CACNA1B: variants seen among roughly 807,000 people sequenced by gnomAD.
The protein encoded by CACNA1B is calcium voltage-gated channel subunit alpha1 B.
Under a neutral mutation model 247.2 loss-of-function variants are expected in CACNA1B, and 70 were observed. That is an observed-to-expected ratio of 0.28 (90% confidence interval 0.23 to 0.35). The LOEUF is 0.35. Ranked by LOEUF, CACNA1B falls within the 10% of genes least tolerant of loss-of-function variation. CACNA1B has a pLI of 1.00. For synonymous variants in CACNA1B, 1,231 were observed against 1,294.4 expected, an observed-to-expected ratio of 0.95 and a Z score of 1.05; for missense variants, 2,367 against 3,197.4, an observed-to-expected ratio of 0.74 and a Z score of 6.26.
At position 138,122,253 on chromosome 9, in the gene CACNA1B, C is replaced by T. The variant is rs1029550003; in HGVS notation, c.*254C>T. On this transcript the variant is annotated 3_prime_UTR_variant, in exon 47 of 47. Transcript: ENST00000371372. ...TCGTACCACACACCAGACCCTAAAC[C>T]GCAGGCTGCTGTGTGTGGCTGAGAA... The T allele has an allele frequency of 1.8e-5, 10 of 546,912 alleles. No homozygotes were observed. Among genetic ancestry groups the T allele is most frequent in the South Asian group, 1.2e-4 (5 of 41,224 alleles). 33.9% of individuals were successfully genotyped at this position (546,912 alleles called of 1,614,324 possible). A position where few individuals can be genotyped will look rare whatever the true frequency, so the allele number is the denominator to read the frequency against.
At chr9:137,959,089 G>T in intron 10 of CACNA1B, among the ~76,000 whole-genome samples, 2 of 150,626 alleles carry the variant, frequency 1.3e-5, no homozygotes, top group African/African-American at 2.4e-5. Context: ...ATTTTTTTTT[G>T]AGACAAAAAT....
At chr9:138,040,930 A>G (rs1959112776) in intron 20 of CACNA1B, among the ~76,000 whole-genome samples, 1 of 152,242 alleles carries the variant, frequency 6.6e-6, no homozygotes, top group African/African-American at 2.4e-5. Context: ...TAAGCCCTAC[A>G]GAAAATGAAT....
Position 137,986,535 on chromosome 9 carries a change from T to A in CACNA1B, c.1892T>A (p.Phe631Tyr). 6.2e-7 allele frequency: 1 copy of A among 1,613,770 alleles called. No homozygotes were observed. The highest frequency in any genetic ancestry group is 8.5e-7 in the Non-Finnish European group (1 of 1,179,798). The change falls in exon 14 of 47, where the codon TTT (phenylalanine) becomes TAT (tyrosine). Residue 631 changes from phenylalanine (F) to tyrosine (Y), a missense_variant. Phe to Tyr is a conservative substitution (Grantham distance 22). This residue lies in a region of CACNA1B where 76 missense variants were observed against 191.0 expected (regional missense o/e 0.40). Coordinates refer to ENST00000371372, the MANE Select transcript of CACNA1B (RefSeq NM_000718.4). This position sits in a 1 kb window ranked among gnomAD's most constrained non-coding sequence, Gnocchi z 6.0. ...TTCGCCCTGCTGGGGATGCAGCTGT[T>A]TGGGGGACAGTAAGTGGGCCCGGGA... is the stretch of plus-strand genomic sequence containing the variant. Reference protein sequence around the residue: ...VVFALLGMQLFGGQFNFQDET... With the variant: ...VVFALLGMQLYGGQFNFQDET...
At chr9:137,983,196 C>T (rs1958314457) in intron 12 of CACNA1B, among the ~76,000 whole-genome samples, 1 of 152,220 alleles carries the variant, frequency 6.6e-6, no homozygotes, top group Admixed American at 6.5e-5. Flanking sequence ...GTTTGAGAGG[C>T]TCAACATTTG....
At position 138,067,498 on chromosome 9, in the gene CACNA1B, C is replaced by T. The variant is rs1451914182; in HGVS notation, c.4669-2260C>T. 4.6e-5 allele frequency among the ~76,000 whole-genome samples: 7 copies of T among 152,248 alleles called. No individual in the cohort carries two copies. In the South Asian group the frequency reaches 1.5e-3, roughly 32 times the overall value. On this transcript the variant is annotated intron_variant, in intron 31 of 46. Transcript: ENST00000371372. ...GGCAGATCACCTGAGGTCAGAAGTTCGAGACGAGTGGATAACATTGTGAAG... is the reference window on the plus strand; with the variant it reads ...GGCAGATCACCTGAGGTCAGAAGTTTGAGACGAGTGGATAACATTGTGAAG...
At chr9:138,106,597 A>G (rs565396365) in intron 39 of CACNA1B, among the ~76,000 whole-genome samples, 1 of 152,226 alleles carries the variant, frequency 6.6e-6, no homozygotes, top group African/African-American at 2.4e-5. Flanking sequence ...GTGAAACCCC[A>G]TCTCTACTAA....
At chr9:138,074,990 C>A (rs1374584811) in intron 34 of CACNA1B, among the ~76,000 whole-genome samples, 1 of 152,168 alleles carries the variant, frequency 6.6e-6, no homozygotes, top group African/African-American at 2.4e-5. Context: ...TTAGAAAGAA[C>A]ACATTGTCAG....
intron 18 of CACNA1B, among the ~76,000 whole-genome samples, chr9:138,022,292 C>A (rs1190370612): frequency 6.6e-6 from 1 of 152,174 alleles, no homozygotes; most frequent in Non-Finnish European, 1.5e-5. Flanking sequence ...CAGCTTCAGA[C>A]CTGACTTCTG....
chr9:137,900,998 G>A (rs1264397729), intron 3 of CACNA1B, among the ~76,000 whole-genome samples: 7 of 143,140 alleles, frequency 4.9e-5, no homozygotes, highest in African/African-American at 1.1e-4. Context: ...CCCTGTGTCC[G>A]TGTCTGTGCT....
In CACNA1B at chr9:138,011,961, T is replaced by C. The variant is rs959853746; in HGVS notation, c.2161-1168T>C. ...GACAACGTGGAAGTCGTAGCTTCCATTCTGAGGCCTGTGGTCTCAGCCGAG... is the reference window on the plus strand; with the variant it reads ...GACAACGTGGAAGTCGTAGCTTCCACTCTGAGGCCTGTGGTCTCAGCCGAG... On this transcript the variant is annotated intron_variant, in intron 17 of 46. Coordinates refer to ENST00000371372, the MANE Select transcript of CACNA1B (RefSeq NM_000718.4). The surrounding 1 kb of genome is among the most constrained non-coding windows in gnomAD (Gnocchi z 4.2). Among the ~76,000 whole-genome samples the C allele has an allele frequency of 6.6e-6, 1 of 152,158 alleles. No homozygotes were observed. Among genetic ancestry groups the C allele is most frequent in the Non-Finnish European group, 1.5e-5 (1 of 68,022 alleles).
chr9:137,922,500 A>G (rs576108104), intron 6 of CACNA1B, among the ~76,000 whole-genome samples: 12 of 152,258 alleles, frequency 7.9e-5, no homozygotes, highest in Admixed American at 6.5e-4. Flanking sequence ...GTTGCGTTTG[A>G]TAAGAGGAAG....
intron 6 of CACNA1B, among the ~76,000 whole-genome samples, chr9:137,926,978 G>A (rs774038745): frequency 2.6e-5 from 4 of 152,070 alleles, no homozygotes; most frequent in African/African-American, 4.8e-5. Context: ...CCCATTCTAT[G>A]TGTGCCCTTT....
In CACNA1B at chr9:137,971,216, G is replaced by A. The variant is rs1022406480; in HGVS notation, c.1334-167G>A. On this transcript the variant is annotated intron_variant, in intron 10 of 46. Transcript: ENST00000371372. The surrounding 1 kb of genome is among the most constrained non-coding windows in gnomAD (Gnocchi z 4.4). ...AACCATGGAGATCATCAGGGCCTTG[G>A]TTCCCTCAGCTGTGAAGTGGAGGTC... Among the ~76,000 whole-genome samples, 1 of 152,146 alleles carries A rather than the reference G, an allele frequency of 6.6e-6. No homozygotes were observed. Among genetic ancestry groups the A allele is most frequent in the African/African-American group, 2.4e-5 (1 of 41,424 alleles).
chr9:137,972,920 C>T (rs1222447428), intron 11 of CACNA1B, among the ~76,000 whole-genome samples: 2 of 152,198 alleles, frequency 1.3e-5, no homozygotes, highest in Non-Finnish European at 2.9e-5. Flanking sequence ...CTGGGGCCCA[C>T]AGGGTGGTAC....
Position 137,952,530 on chromosome 9 carries a change from T to C in CACNA1B, c.1070+153T>C, listed in dbSNP as rs1330711581. Among the ~76,000 whole-genome samples, 3 of 152,084 alleles carry C rather than the reference T, an allele frequency of 2.0e-5. No individual in the cohort carries two copies. The highest frequency in any genetic ancestry group is 2.0e-4 in the Admixed American group (3 of 15,280). Reference sequence around the variant, plus strand: ...TGTTCTGGGTTCTGGTAGCCCTTCCTTTGTGCCACCATCCTGACCTGTCCT... The same window carrying C: ...TGTTCTGGGTTCTGGTAGCCCTTCCCTTGTGCCACCATCCTGACCTGTCCT... On this transcript the variant is annotated intron_variant, in intron 7 of 46. Coordinates refer to ENST00000371372, the MANE Select transcript of CACNA1B (RefSeq NM_000718.4). The surrounding 1 kb of genome is among the most constrained non-coding windows in gnomAD (Gnocchi z 4.8).
chr9:138,034,449 GT>G (rs566090688), intron 20 of CACNA1B, among the ~76,000 whole-genome samples: 2,981 of 135,132 alleles, frequency 0.022, 93 homozygotes, highest in African/African-American at 0.07. Flanking sequence ...TAGGGTCATA[GT>G]TTTTTTTTTT....
In CACNA1B at chr9:138,030,034, T is replaced by C. The variant is rs1006770598; in HGVS notation, c.3286+4862T>C. Among the ~76,000 whole-genome samples the C allele has an allele frequency of 3.3e-5, 5 of 152,206 alleles. 1 individual carries two copies. Among genetic ancestry groups the C allele is most frequent in the Non-Finnish European group, 5.9e-5 (4 of 68,038 alleles). The stretch of plus-strand genomic sequence containing the variant: ...TAAGGCATCTGCAAATGAACAGTTT[T>C]AGTTTTTTCCTTTCTGACATACATG... On this transcript the variant is annotated intron_variant, in intron 20 of 46. Transcript: ENST00000371372.
intron 6 of CACNA1B, among the ~76,000 whole-genome samples, chr9:137,928,569 C>G (rs1452891268): frequency 6.6e-6 from 1 of 152,168 alleles, no homozygotes; most frequent in Non-Finnish European, 1.5e-5. Context: ...GTGAAACTCT[C>G]TGGGCTTAGA....
rs537640912 is a variant in CACNA1B at position 138,120,690 on chromosome 9, C to T, written c.6298C>T (p.Arg2100Trp). 49 of 1,515,908 alleles carry T rather than the reference C, an allele frequency of 3.2e-5. No individual in the cohort carries two copies. Among genetic ancestry groups the T allele is most frequent in the South Asian group, 2.3e-4 (18 of 78,714 alleles). The allele number at this position is 1,515,908 out of a possible 1,614,324, so 93.9% of individuals were successfully genotyped here. The change falls in exon 46 of 47, where the codon CGG (arginine) becomes TGG (tryptophan). Residue 2100 changes from arginine (R) to tryptophan (W), a missense_variant. Arg to Trp is a moderately radical substitution (Grantham distance 101). Around this residue, in one of 12 missense-constraint regions of CACNA1B, gnomAD observed 773 missense variants for 779.4 expected, o/e 0.99. Transcript: ENST00000371372. Reference sequence around the variant, plus strand: ...GGGAGAGGGGCCTACAGGCTGCCGGCGGGAACGAGAGCGCCGGCAGGAGCG... The same window carrying T: ...GGGAGAGGGGCCTACAGGCTGCCGGTGGGAACGAGAGCGCCGGCAGGAGCG... ...PPGEGPTGCR[R>W]ERERRQERGR...
Sources: gnomAD v4.1 joint callset for allele counts (sites outside exome capture counted in the v4.1 genomes callset) on GRCh38, gnomAD v4.1.1 for gene constraint, gnomAD v4.1.1 regional missense constraint, Gnocchi (gnomAD v3.1) non-coding constraint, MANE v1.5 for transcripts, NCBI Gene and HGNC (gene_info 2026-07-23, HGNC 2026-07-21) for gene names.